Variants in SIPA1L1 observed in about 807,000 individuals in gnomAD.
SIPA1L1 encodes the protein signal induced proliferation associated 1 like 1, also known as signal-induced proliferation-associated 1-like protein 1.
SIPA1L1 carries 26 observed loss-of-function variants against 162.7 expected under a neutral mutation model. The ratio of observed to expected loss-of-function variants is 0.16; its 90% CI spans 0.12 to 0.22. The LOEUF is 0.22. SIPA1L1 is among the 10% of genes least tolerant of loss of function. The pLI, the probability that SIPA1L1 is intolerant of heterozygous loss-of-function variation, is 1.00. For missense variants in SIPA1L1, 1,874 were observed against 2,241.0 expected, an observed-to-expected ratio of 0.84 and a Z score of 3.31; for synonymous variants, 829 against 837.4, an observed-to-expected ratio of 0.99 and a Z score of 0.17.
chr14:71,639,277 G>A (rs2041466587), intron 7 of SIPA1L1, among the ~76,000 whole-genome samples: 1 of 152,148 alleles, frequency 6.6e-6, no homozygotes, highest in Non-Finnish European at 1.5e-5. Context: ...AGGCATGGTG[G>A]TGTGCATTTG....
chr14:71,644,267 C>G (rs1305726122), intron 7 of SIPA1L1, among the ~76,000 whole-genome samples: 1 of 152,140 alleles, frequency 6.6e-6, no homozygotes, highest in Non-Finnish European at 1.5e-5. Context: ...GGGTTGCACT[C>G]TATTGCCCAG....
At chr14:71,454,642 C>T (rs2046061703) in intron 2 of SIPA1L1, among the ~76,000 whole-genome samples, 1 of 152,056 alleles carries the variant, frequency 6.6e-6, no homozygotes, top group African/African-American at 2.4e-5. Context: ...AAAATGGACA[C>T]TTAGAAATTG....
At chr14:71,336,377 C>T (rs1475682762) in intron 2 of SIPA1L1, among the ~76,000 whole-genome samples, 5 of 152,148 alleles carry the variant, frequency 3.3e-5, no homozygotes, top group South Asian at 2.1e-4. Context: ...CCCTCCTCTC[C>T]GACCCTAGCC....
chr14:71,348,234 A>G (rs2140531770), intron 2 of SIPA1L1, among the ~76,000 whole-genome samples: 1 of 152,272 alleles, frequency 6.6e-6, no homozygotes, highest in East Asian at 1.9e-4. Flanking sequence ...ACCAGCCCCC[A>G]CAAAAGCCAT....
At chr14:71,598,431 G>A (rs1219338569) in intron 5 of SIPA1L1, 2 of 158,470 alleles carry the variant, frequency 1.3e-5, no homozygotes, top group Non-Finnish European at 2.7e-5. Context: ...AATCAAGGTT[G>A]TTATGAACCT....
chr14:71,401,217 A>G (rs1042090231), intron 2 of SIPA1L1, among the ~76,000 whole-genome samples: 1 of 152,156 alleles, frequency 6.6e-6, no homozygotes, highest in African/African-American at 2.4e-5. Context: ...AGTCACTAAA[A>G]CTGATGTTTT....
At chr14:71,559,586 T>A (rs2056621783) in intron 4 of SIPA1L1, among the ~76,000 whole-genome samples, 1 of 152,214 alleles carries the variant, frequency 6.6e-6, no homozygotes, top group Non-Finnish European at 1.5e-5. Flanking sequence ...ACTGTAACAT[T>A]TTCTTTACCT....
intron 15 of SIPA1L1, among the ~76,000 whole-genome samples, chr14:71,703,678 A>G (rs919848156): frequency 6.6e-6 from 1 of 152,196 alleles, no homozygotes; most frequent in Non-Finnish European, 1.5e-5. Context: ...TGTGAAAAGG[A>G]TCCCTTCTTC....
At chr14:71,637,140 GCA>G (rs141827256) in intron 7 of SIPA1L1, among the ~76,000 whole-genome samples, 23 of 143,584 alleles carry the variant, frequency 1.6e-4, no homozygotes, top group South Asian at 2.2e-4. Context: ...GTGCACGCGT[GCA>G]CACACACACA....
chr14:71,618,696 T>C (rs2039093650), intron 5 of SIPA1L1, 61 bp from the exon 6 acceptor site: 1 of 1,481,742 alleles, frequency 6.7e-7, no homozygotes, highest in East Asian at 2.3e-5. Context: ...CTGAGCAGAA[T>C]GTAACATTTT....
intron 2 of SIPA1L1, among the ~76,000 whole-genome samples, chr14:71,437,816 AT>A (rs2044515855): frequency 3.9e-5 from 6 of 152,228 alleles, no homozygotes; most frequent in Admixed American, 3.9e-4. Flanking sequence ...TTAGCAAGGC[AT>A]CATGCATACA....
intron 2 of SIPA1L1, chr14:71,330,244 C>T (rs1334478620): frequency 3.0e-6 from 2 of 670,360 alleles, no homozygotes; most frequent in East Asian, 2.8e-5. Context: ...CTCCACTATT[C>T]CAGGGAGGGG....
chr14:71,668,886 A>G (rs2044262923), intron 10 of SIPA1L1, among the ~76,000 whole-genome samples: 1 of 152,246 alleles, frequency 6.6e-6, no homozygotes, highest in Non-Finnish European at 1.5e-5. Flanking sequence ...AGAACCGTTT[A>G]TAATTAATAT....
intron 4 of SIPA1L1, among the ~76,000 whole-genome samples, chr14:71,545,673 A>G (rs1407363487): frequency 6.6e-6 from 1 of 152,130 alleles, no homozygotes; most frequent in Non-Finnish European, 1.5e-5. Context: ...CCATCTTTAT[A>G]CATTTTTAAA....
rs554366197 is a variant in SIPA1L1, at chr14:71,460,393, A to G, written c.-464-52350A>G. On this transcript the variant is annotated intron_variant, in intron 2 of 23. Transcript: ENST00000381232. ...TTCCCATTGATCTTAATCACAGGGC[A>G]TAGTAATACTGAGAGACGCCCTAAT... 1.2e-4 allele frequency among the ~76,000 whole-genome samples: 18 copies of G among 152,304 alleles called. 1 individual carries two copies. The highest frequency in any genetic ancestry group is 6.8e-3 in the Middle Eastern group (2 of 294).
At chr14:71,663,651 A>G (rs2043738509) in intron 10 of SIPA1L1, among the ~76,000 whole-genome samples, 1 of 151,798 alleles carries the variant, frequency 6.6e-6, no homozygotes, top group African/African-American at 2.4e-5. Context: ...TTGTTTTTTT[A>G]TTTTTATCAT....
intron 7 of SIPA1L1, among the ~76,000 whole-genome samples, chr14:71,649,808 A>C (rs2042472388): frequency 6.6e-6 from 1 of 152,192 alleles, no homozygotes; most frequent in African/African-American, 2.4e-5. Flanking sequence ...CAAGGTTTAT[A>C]ATTTAATATA....
chr14:71,548,461 T>C (rs2055454943), intron 4 of SIPA1L1, among the ~76,000 whole-genome samples: 1 of 152,176 alleles, frequency 6.6e-6, no homozygotes, highest in African/African-American at 2.4e-5. Flanking sequence ...ATAAAATCAG[T>C]GTGCATGGAA....
chr14:71,622,265 T>C (rs2039529020), intron 6 of SIPA1L1, among the ~76,000 whole-genome samples: 1 of 152,254 alleles, frequency 6.6e-6, no homozygotes, highest in Non-Finnish European at 1.5e-5. Context: ...TTTGTAGGCA[T>C]GGCAGTTTGT....
Sources: gnomAD v4.1 joint callset for allele counts (sites outside exome capture counted in the v4.1 genomes callset) on GRCh38, gnomAD v4.1.1 for gene constraint, MANE v1.5 for transcripts, NCBI Gene and HGNC (gene_info 2026-07-23, HGNC 2026-07-21) for gene names.